Variants in PAWR observed in about 807,000 individuals in gnomAD.
The protein encoded by PAWR is pro-apoptotic WT1 regulator, also known as PRKC apoptosis WT1 regulator protein.
Under a neutral mutation model 32.0 loss-of-function variants are expected in PAWR, and 23 were observed. The observed-to-expected ratio is 0.72, with a 90% CI of 0.52 to 1.02. The LOEUF (loss-of-function observed/expected upper bound fraction) is 1.02, where lower values mean the gene tolerates loss of function less well. Ranked by LOEUF, PAWR falls within the 50% of genes least tolerant of loss-of-function variation. The pLI, the probability that PAWR is intolerant of heterozygous loss-of-function variation, is 0.00. For missense variants in PAWR, 457 were observed against 437.7 expected, an observed-to-expected ratio of 1.04 and a Z score of -0.39; for synonymous variants, 226 against 187.1, an observed-to-expected ratio of 1.21 and a Z score of -1.70.
At chr12:79,624,136 GAATTC>G (rs1175557144) in intron 2 of PAWR, among the ~76,000 whole-genome samples, 1 of 152,104 alleles carries the variant, frequency 6.6e-6, no homozygotes, top group Non-Finnish European at 1.5e-5. Flanking sequence ...CTTAAAGTTG[GAATTC>G]TTAAATTATC....
intron 5 of PAWR, among the ~76,000 whole-genome samples, chr12:79,596,033 A>C (rs758639102): frequency 6.6e-6 from 1 of 152,150 alleles, no homozygotes; most frequent in Non-Finnish European, 1.5e-5. Context: ...TAATATAGAG[A>C]ATAATCTCAA....
chr12:79,685,360 C>A (rs1479251330), intron 2 of PAWR, among the ~76,000 whole-genome samples: 1 of 152,158 alleles, frequency 6.6e-6, no homozygotes, highest in Non-Finnish European at 1.5e-5. Context: ...ATGGGAATAA[C>A]AAAAGGCATT....
chr12:79,639,752 C>T (rs1399535750), intron 2 of PAWR, among the ~76,000 whole-genome samples: 2 of 149,568 alleles, frequency 1.3e-5, no homozygotes, highest in African/African-American at 5.1e-5. Flanking sequence ...GCAGTAGTGG[C>T]TGGCACATAC....
In PAWR at chr12:79,590,795, T is replaced by C. The variant is rs994352609; in HGVS notation, c.*1812A>G. The C allele has an allele frequency of 3.3e-5, 5 of 152,324 alleles. No individual in the cohort carries two copies. The highest frequency in any genetic ancestry group is 1.2e-4 in the African/African-American group (5 of 41,584). The allele number at this position is 152,324 out of a possible 1,614,324, so 9.4% of individuals were successfully genotyped here. A position where few individuals can be genotyped will look rare whatever the true frequency, so the allele number is the denominator to read the frequency against. On this transcript the variant is annotated 3_prime_UTR_variant, in exon 7 of 7. Coordinates refer to ENST00000328827, the MANE Select transcript of PAWR (RefSeq NM_002583.4). Reference sequence around the variant, plus strand: ...TGTGGGCAGATCACTGTTCCCATGCTGGGTAAGAGTCTCCAAGAAGGGAAG... The same window carrying C: ...TGTGGGCAGATCACTGTTCCCATGCCGGGTAAGAGTCTCCAAGAAGGGAAG...
chr12:79,669,034 T>A (rs969215722), intron 2 of PAWR, among the ~76,000 whole-genome samples: 6 of 152,244 alleles, frequency 3.9e-5, no homozygotes, highest in Admixed American at 2.0e-4. Flanking sequence ...AGTACATTTT[T>A]AAATAATTTC....
intron 2 of PAWR, among the ~76,000 whole-genome samples, chr12:79,633,364 T>C (rs1875806523): frequency 6.6e-6 from 1 of 151,760 alleles, no homozygotes; most frequent in Non-Finnish European, 1.5e-5. Context: ...CAAAGAAATG[T>C]CAAATAAACA....
At chr12:79,690,416 G>T in intron 1 of PAWR, 25 bp from the exon 2 acceptor site, 2 of 1,298,818 alleles carry the variant, frequency 1.5e-6, no homozygotes, top group Non-Finnish European at 2.0e-6. Flanking sequence ...AAAAGGGGGC[G>T]GGTAAGGGAA....
chr12:79,678,892 G>A (rs1878304140), intron 2 of PAWR, among the ~76,000 whole-genome samples: 2 of 149,458 alleles, frequency 1.3e-5, no homozygotes, highest in South Asian at 4.3e-4. Context: ...TTTGGCGGGG[G>A]TGGGAGGCAC....
rs564198666 is a variant in PAWR, at chr12:79,616,475, A to G, written c.649-2866T>C. Among the ~76,000 whole-genome samples the G allele has an allele frequency of 9.8e-5, 15 of 152,326 alleles. No homozygotes were observed. The South Asian group carries it at 2.9e-3, about 29-fold the overall frequency. On this transcript the variant is annotated intron_variant, in intron 3 of 6. Coordinates refer to ENST00000328827, the MANE Select transcript of PAWR (RefSeq NM_002583.4). ...ACACTATTTCTGAGGCTTGAAATAGACTTTTTCTGTAATATGGTAAAACTT... is the reference window on the plus strand; with the variant it reads ...ACACTATTTCTGAGGCTTGAAATAGGCTTTTTCTGTAATATGGTAAAACTT...
intron 2 of PAWR, among the ~76,000 whole-genome samples, chr12:79,675,866 G>A (rs1200127147): frequency 6.6e-6 from 1 of 151,866 alleles, no homozygotes; most frequent in Non-Finnish European, 1.5e-5. Flanking sequence ...TGTACCCCCT[G>A]AATCTAAAAT....
At chr12:79,690,419 T>TA (rs1878956090) in intron 1 of PAWR, 28 bp from the exon 2 acceptor site, 1 of 1,291,450 alleles carries the variant, frequency 7.7e-7, no homozygotes, top group South Asian at 1.9e-5. Context: ...AGGGGGCGGG[T>TA]AAGGGAAGCG....
At position 79,591,925 on chromosome 12, in the gene PAWR, G is replaced by A. The variant is rs8176910; in HGVS notation, c.*682C>T. Reference sequence around the variant, plus strand: ...GAAATTTTACATTGAAATTACAATTGTATGTTTTTCAGGAGTTAAAGTGAT... The same window carrying A: ...GAAATTTTACATTGAAATTACAATTATATGTTTTTCAGGAGTTAAAGTGAT... On this transcript the variant is annotated 3_prime_UTR_variant, in exon 7 of 7. Transcript: ENST00000328827. The A allele has an allele frequency of 6.6e-5, 10 of 152,580 alleles. No individual in the cohort carries two copies. The highest frequency in any genetic ancestry group is 2.1e-4 in the South Asian group (1 of 4,822). 9.5% of individuals were successfully genotyped at this position (152,580 alleles called of 1,614,324 possible).
At position 79,588,408 on chromosome 12, in the gene PAWR, AATT is replaced by A. The variant is rs1479737850; in HGVS notation, c.*4196_*4198del. 5.9e-5 allele frequency: 9 copies of A among 151,990 alleles called. No individual in the cohort carries two copies. Among genetic ancestry groups the A allele is most frequent in the Admixed American group, 5.9e-4 (9 of 15,264 alleles). 9.4% of individuals were successfully genotyped at this position (151,990 alleles called of 1,614,324 possible). ...AATTCCTTAAAAGTGTTCTTTTCCT[AATT>A]AACATTATCTTTAAAAAATGGTAGA... On this transcript the variant is annotated 3_prime_UTR_variant, in exon 7 of 7. Coordinates refer to ENST00000328827, the MANE Select transcript of PAWR (RefSeq NM_002583.4).
intron 2 of PAWR, among the ~76,000 whole-genome samples, chr12:79,679,775 A>C (rs1207191142): frequency 6.6e-6 from 1 of 152,182 alleles, no homozygotes; most frequent in Non-Finnish European, 1.5e-5. Flanking sequence ...GTTTTTTGTA[A>C]TGGGCTAGAT....
intron 2 of PAWR, among the ~76,000 whole-genome samples, chr12:79,626,374 C>G (rs1875319688): frequency 1.3e-5 from 2 of 149,304 alleles, no homozygotes; most frequent in Admixed American, 1.3e-4. Flanking sequence ...ATACTCCTGC[C>G]TCAGCCTCCT....
chr12:79,680,649 C>A (rs911430587), intron 2 of PAWR, among the ~76,000 whole-genome samples: 1 of 152,114 alleles, frequency 6.6e-6, no homozygotes, highest in Non-Finnish European at 1.5e-5. Context: ...AGCATACATA[C>A]ATTTATAATT....
At chr12:79,638,835 T>C (rs1414098543) in intron 2 of PAWR, among the ~76,000 whole-genome samples, 5 of 125,458 alleles carry the variant, frequency 4.0e-5, no homozygotes, top group Non-Finnish European at 6.6e-5. Flanking sequence ...TATATAAACA[T>C]ATATACATAT....
At chr12:79,593,373 A>T (rs1189222891) in intron 6 of PAWR, among the ~76,000 whole-genome samples, 2 of 152,176 alleles carry the variant, frequency 1.3e-5, no homozygotes, top group East Asian at 3.9e-4. Flanking sequence ...CTCCAGCTTT[A>T]AAAGCATATG....
At chr12:79,608,610 T>C (rs933487819) in intron 4 of PAWR, among the ~76,000 whole-genome samples, 1 of 152,192 alleles carries the variant, frequency 6.6e-6, no homozygotes, top group Non-Finnish European at 1.5e-5. Context: ...TCAAATTAAA[T>C]GCATTTATGT....
Sources: allele counts gnomAD v4.1 joint callset (sites outside exome capture counted in the v4.1 genomes callset), GRCh38; gene constraint gnomAD v4.1.1; transcripts MANE v1.5; gene names NCBI Gene and HGNC (gene_info 2026-07-23, HGNC 2026-07-21).